The following DAB1 variants were observed in gnomAD, a reference collection of about 807,000 sequenced individuals.
DAB1 encodes the protein disabled homolog 1.
Under a neutral mutation model 64.6 loss-of-function variants are expected in DAB1, and 15 were observed. That is an observed-to-expected ratio of 0.23 (90% CI 0.16 to 0.36). DAB1 has a LOEUF of 0.36. DAB1 is among the 10% of genes least tolerant of loss of function. The pLI, the probability that DAB1 is intolerant of heterozygous loss-of-function variation, is 1.00. For synonymous variants in DAB1, 235 were observed against 251.9 expected (o/e 0.93, Z 0.64); for missense variants, 596 against 706.7 (o/e 0.84, Z 1.78).
chr1:58,356,403 A>G (rs990546359), intron 3 of DAB1, among the ~76,000 whole-genome samples: 3 of 152,222 alleles, frequency 2.0e-5, no homozygotes, highest in African/African-American at 7.2e-5. Flanking sequence ...ATACATGCAT[A>G]CATAATAACA....
intron 3 of DAB1, among the ~76,000 whole-genome samples, chr1:58,441,786 C>T (rs903895287): frequency 1.1e-4 from 17 of 152,098 alleles, no homozygotes; most frequent in Admixed American, 4.6e-4. Flanking sequence ...GCAGGACTGA[C>T]GTTAATTTAT....
chr1:58,257,931 C>A (rs113198166), intron 4 of DAB1, among the ~76,000 whole-genome samples: 2 of 152,322 alleles, frequency 1.3e-5, no homozygotes, highest in Non-Finnish European at 2.9e-5. Context: ...GATCTTCTTG[C>A]AGGATTCCAG....
chr1:58,524,853 GA>G (rs1646325660), intron 2 of DAB1, among the ~76,000 whole-genome samples: 1 of 152,164 alleles, frequency 6.6e-6, no homozygotes, highest in Non-Finnish European at 1.5e-5. Flanking sequence ...AGAACTGCAA[GA>G]GACCATTTAC....
At chr1:57,902,292 T>C (rs769357273) in intron 5 of DAB1, among the ~76,000 whole-genome samples, 2 of 152,142 alleles carry the variant, frequency 1.3e-5, no homozygotes, top group Non-Finnish European at 2.9e-5. Flanking sequence ...TTTCTCTATA[T>C]ACCTTTTCTA....
intron 1 of DAB1, among the ~76,000 whole-genome samples, chr1:57,414,033 G>T (rs1195538714): frequency 6.6e-6 from 1 of 152,208 alleles, no homozygotes; most frequent in African/African-American, 2.4e-5. Context: ...AGCAAAGAAA[G>T]TGGTTTCTTG....
At chr1:57,506,399 A>T (rs368164848) in intron 7 of DAB1, among the ~76,000 whole-genome samples, 1 of 152,156 alleles carries the variant, frequency 6.6e-6, no homozygotes, top group East Asian at 1.9e-4. Flanking sequence ...TTTCCTTCAT[A>T]TTTCCTGGAC....
chr1:57,238,660 A>G (rs1668266812), intron 2 of DAB1, among the ~76,000 whole-genome samples: 1 of 152,150 alleles, frequency 6.6e-6, no homozygotes, highest in Non-Finnish European at 1.5e-5. Flanking sequence ...ATTAAGCCCT[A>G]GTTAATCCCT....
In DAB1 at chr1:58,131,586, G is replaced by A. The variant is rs909101440; in HGVS notation, n.387+18925C>T. Among the ~76,000 whole-genome samples, 60 of 136,210 alleles carry A rather than the reference G, an allele frequency of 4.4e-4. 2 individuals are homozygous for A. The highest frequency in any genetic ancestry group is 3.9e-4 in the Non-Finnish European group (25 of 64,850). 89.4% of individuals were successfully genotyped at this position (136,210 alleles called of 152,430 possible). A position where few individuals can be genotyped will look rare whatever the true frequency, so the allele number is the denominator to read the frequency against. On this transcript the variant is annotated intron_variant and non_coding_transcript_variant, in intron 5 of 20. Coordinates refer to the DAB1 transcript ENST00000485760. ...GTTCTGTTTTTTCCCCATCTTTGTGGTTTTATCTACTTTTGGTCTTTGATG... is the reference window on the plus strand; with the variant it reads ...GTTCTGTTTTTTCCCCATCTTTGTGATTTTATCTACTTTTGGTCTTTGATG...
chr1:58,486,349 G>C (rs1167062073), intron 3 of DAB1, among the ~76,000 whole-genome samples: 1 of 152,162 alleles, frequency 6.6e-6, no homozygotes, highest in Non-Finnish European at 1.5e-5. Context: ...TAAAACCGAA[G>C]ACTCCTAAGA....
intron 1 of DAB1, chr1:58,539,275 A>C: frequency 1.2e-6 from 1 of 853,056 alleles, no homozygotes; most frequent in Non-Finnish European, 2.0e-6. Context: ...AGCAGACTGC[A>C]ATCCACAGAT....
Position 57,097,684 on chromosome 1 carries a change from A to G in DAB1, c.307-25270T>C, listed in dbSNP as rs182238262. Among the ~76,000 whole-genome samples the G allele has an allele frequency of 1.9e-3, 292 of 152,278 alleles. 1 individual carries two copies. Among genetic ancestry groups the G allele is most frequent in the African/African-American group, 6.4e-3 (266 of 41,558 alleles). On this transcript the variant is annotated intron_variant, in intron 4 of 14. Coordinates refer to ENST00000371236, the MANE Select transcript of DAB1 (RefSeq NM_001365792.1). ...CCTAAACTACTTTAAGTATTAATTC[A>G]TCATTATATAATTTTCATTTACTTA... is the stretch of plus-strand genomic sequence containing the variant.
intron 3 of DAB1, among the ~76,000 whole-genome samples, chr1:58,406,766 T>C (rs901625243): frequency 5.3e-5 from 8 of 150,298 alleles, no homozygotes; most frequent in African/African-American, 1.9e-4. Context: ...CTGATAAAGC[T>C]GCAGTAAAGA....
chr1:58,181,910 A>G (rs1033931409), intron 4 of DAB1, among the ~76,000 whole-genome samples: 9 of 152,018 alleles, frequency 5.9e-5, no homozygotes, highest in Non-Finnish European at 1.2e-4. Context: ...TTCTCCATGA[A>G]TTCAAGCTAT....
rs929398892 is a variant in DAB1, at chr1:57,409,381, A to G, written c.-137+14549T>C. On this transcript the variant is annotated intron_variant, in intron 1 of 14. Transcript: ENST00000371236. ...TGTCACAGATACAGGGCATGTCATT[A>G]AAAGTATGAGATTGTGTCTGAAGTC... is the stretch of plus-strand genomic sequence containing the variant. Among the ~76,000 whole-genome samples, 7 of 152,236 alleles carry G rather than the reference A, an allele frequency of 4.6e-5. No homozygotes were observed. The East Asian group carries it at 1.3e-3, about 29-fold the overall frequency.
chr1:58,209,806 T>C (rs1247565594), intron 4 of DAB1, among the ~76,000 whole-genome samples: 2 of 152,198 alleles, frequency 1.3e-5, no homozygotes, highest in Non-Finnish European at 1.5e-5. Context: ...TAGGGACTAT[T>C]TGAATCGTCT....
chr1:57,014,643 A>C (rs1448133410), intron 12 of DAB1, among the ~76,000 whole-genome samples: 1 of 152,262 alleles, frequency 6.6e-6, no homozygotes, highest in Admixed American at 6.5e-5. Context: ...CAGGTCTAAC[A>C]AAATTTATCA....
chr1:57,932,840 A>G (rs945536822), intron 5 of DAB1, among the ~76,000 whole-genome samples: 12 of 152,158 alleles, frequency 7.9e-5, no homozygotes, highest in African/African-American at 2.7e-4. Context: ...TATATGTAAA[A>G]TGGGTTTCTT....
chr1:57,032,774 T>C (rs1647004438), intron 9 of DAB1, among the ~76,000 whole-genome samples: 1 of 152,224 alleles, frequency 6.6e-6, no homozygotes, highest in Non-Finnish European at 1.5e-5. Context: ...GGTTTCCCAA[T>C]ACTGTATTTA....
chr1:58,447,543 G>A (rs1379163079), intron 3 of DAB1, among the ~76,000 whole-genome samples: 2 of 152,120 alleles, frequency 1.3e-5, no homozygotes, highest in East Asian at 1.9e-4. Context: ...GTCAGCAAAA[G>A]AAACACTGCC....
Sources: gnomAD v4.1 joint callset for allele counts (sites outside exome capture counted in the v4.1 genomes callset) on GRCh38, gnomAD v4.1.1 for gene constraint, MANE v1.5 for transcripts, NCBI Gene and HGNC (gene_info 2026-07-23, HGNC 2026-07-21) for gene names.